Variants in SRGAP1 observed in about 807,000 individuals in gnomAD.
The protein encoded by SRGAP1 is SLIT-ROBO Rho GTPase activating protein 1, also known as SLIT-ROBO Rho GTPase-activating protein 1.
In SRGAP1, 43 loss-of-function variants were observed where a neutral mutation model predicts 121.9. The ratio of observed to expected loss-of-function variants is 0.35; its 90% CI spans 0.28 to 0.46. SRGAP1 has a LOEUF of 0.46. Among genes scored for constraint, SRGAP1 ranks in the 20% least tolerant of loss-of-function variants. The pLI, the probability that SRGAP1 is intolerant of heterozygous loss-of-function variation, is 1.00. For synonymous variants in SRGAP1, 447 were observed against 485.4 expected, an observed-to-expected ratio of 0.92 and a Z score of 1.04; for missense variants, 1,102 against 1,350.9, an observed-to-expected ratio of 0.82 and a Z score of 2.89.
chr12:63,959,271 G>A (rs1592982989), intron 1 of SRGAP1, among the ~76,000 whole-genome samples: 1 of 152,144 alleles, frequency 6.6e-6, no homozygotes, highest in East Asian at 1.9e-4. Flanking sequence ...GCAAAATCTA[G>A]TTTGCAACAT....
intron 4 of SRGAP1, among the ~76,000 whole-genome samples, chr12:64,017,746 AT>A (rs2034442967): frequency 6.6e-6 from 1 of 151,878 alleles, no homozygotes. Context: ...TTTTAGTTCA[AT>A]TAATTGTTTT....
intron 1 of SRGAP1, among the ~76,000 whole-genome samples, chr12:63,937,674 A>G (rs2031709872): frequency 6.6e-6 from 1 of 152,228 alleles, no homozygotes. Flanking sequence ...CTTTAGCGTG[A>G]GAACAATAAA....
At chr12:63,974,504 C>T (rs2033041691) in intron 1 of SRGAP1, among the ~76,000 whole-genome samples, 1 of 152,112 alleles carries the variant, frequency 6.6e-6, no homozygotes, top group East Asian at 1.9e-4. Context: ...ACTGAGAAGA[C>T]AGTTCCTTAT....
intron 1 of SRGAP1, among the ~76,000 whole-genome samples, chr12:63,927,698 G>T (rs2031310628): frequency 6.6e-6 from 1 of 151,962 alleles, no homozygotes; most frequent in Admixed American, 6.6e-5. Context: ...TCCTTTATGG[G>T]CTCATGTCCA....
At chr12:63,928,230 A>G (rs569445141) in intron 1 of SRGAP1, among the ~76,000 whole-genome samples, 2 of 152,328 alleles carry the variant, frequency 1.3e-5, no homozygotes, top group African/African-American at 2.4e-5. Context: ...TGATGGGAGT[A>G]TAAAATGGTA....
At chr12:63,858,639 T>C (rs1444520001) in intron 1 of SRGAP1, among the ~76,000 whole-genome samples, 1 of 152,220 alleles carries the variant, frequency 6.6e-6, no homozygotes, top group African/African-American at 2.4e-5. Context: ...TAATCAGTAG[T>C]TAATCATTTT....
intron 8 of SRGAP1, among the ~76,000 whole-genome samples, chr12:64,069,860 A>T (rs1489613838): frequency 6.6e-6 from 1 of 152,090 alleles, no homozygotes; most frequent in East Asian, 1.9e-4. Flanking sequence ...ATTTTCAATT[A>T]TTGTTCATGA....
intron 3 of SRGAP1, among the ~76,000 whole-genome samples, chr12:64,016,077 C>G (rs2034393862): frequency 6.6e-6 from 1 of 151,870 alleles, no homozygotes; most frequent in African/African-American, 2.4e-5. Context: ...ACTTTTTTGT[C>G]TTCATTGAAA....
Position 64,095,223 on chromosome 12 carries a change from C to T in SRGAP1, c.1678+19C>T. The T allele has an allele frequency of 3.7e-6, 6 of 1,607,610 alleles. No individual in the cohort carries two copies. The South Asian group carries it at 6.6e-5, about 18-fold the overall frequency. On this transcript the variant is annotated intron_variant, in intron 14 of 21. Coordinates refer to ENST00000355086, the MANE Select transcript of SRGAP1 (RefSeq NM_020762.4). ...GAGAGAGGTAATTGCACGTCTATCC[C>T]TATAAGCAAACCACGTTGAAAAGTC...
At chr12:63,986,084 C>T (rs924491961) in intron 2 of SRGAP1, among the ~76,000 whole-genome samples, 2 of 151,990 alleles carry the variant, frequency 1.3e-5, no homozygotes, top group African/African-American at 4.8e-5. Flanking sequence ...CCTCTTCTCT[C>T]CTCTCTGTCT....
intron 10 of SRGAP1, among the ~76,000 whole-genome samples, chr12:64,086,345 C>T (rs2035938908): frequency 1.3e-5 from 2 of 152,200 alleles, no homozygotes; most frequent in African/African-American, 2.4e-5. Context: ...AGCCCTGTTA[C>T]TTAAAACAAG....
At chr12:64,053,535 C>A (rs1023492166) in intron 6 of SRGAP1, among the ~76,000 whole-genome samples, 2 of 152,100 alleles carry the variant, frequency 1.3e-5, no homozygotes, top group African/African-American at 4.8e-5. Flanking sequence ...AGCTTGGAAT[C>A]AAGTGGGAAG....
At chr12:64,111,711 CCT>C (rs2036432132) in intron 16 of SRGAP1, 49 bp from the exon 17 acceptor site, 2 of 1,466,600 alleles carry the variant, frequency 1.4e-6, no homozygotes, top group African/African-American at 2.8e-5. Flanking sequence ...ACATTTATAT[CCT>C]TTTTTTCTCT....
chr12:64,103,540 T>C (rs567920399), intron 15 of SRGAP1, among the ~76,000 whole-genome samples: 1 of 152,334 alleles, frequency 6.6e-6, no homozygotes, highest in South Asian at 2.1e-4. Flanking sequence ...TGAACTCTTT[T>C]TCTGGTGCTC....
At chr12:63,969,198 A>G (rs2032866828) in intron 1 of SRGAP1, among the ~76,000 whole-genome samples, 1 of 152,158 alleles carries the variant, frequency 6.6e-6, no homozygotes, top group Admixed American at 6.6e-5. Flanking sequence ...AATACAAAGA[A>G]TTTCTGTTTG....
chr12:63,883,017 C>G (rs1900247818), intron 1 of SRGAP1, among the ~76,000 whole-genome samples: 1 of 152,346 alleles, frequency 6.6e-6, no homozygotes, highest in African/African-American at 2.4e-5. Context: ...AGGGGCAGAT[C>G]TGGTTCATCA....
intron 1 of SRGAP1, among the ~76,000 whole-genome samples, chr12:63,959,901 C>T (rs74097505): frequency 0.029 from 4,429 of 152,256 alleles, 225 homozygotes; most frequent in African/African-American, 0.1. Flanking sequence ...CAGGCTTAAT[C>T]ACTAGACTTT....
intron 1 of SRGAP1, among the ~76,000 whole-genome samples, chr12:63,887,148 A>G (rs1240202303): frequency 6.6e-6 from 1 of 152,202 alleles, no homozygotes; most frequent in African/African-American, 2.4e-5. Context: ...TGCTGGGATT[A>G]CAGGCGTGAG....
chr12:63,934,922 GTTC>G (rs2031613037), intron 1 of SRGAP1, among the ~76,000 whole-genome samples: 1 of 152,054 alleles, frequency 6.6e-6, no homozygotes, highest in Non-Finnish European at 1.5e-5. Context: ...AGACATGTTT[GTTC>G]TTGTTTAATT....
Sources: allele counts gnomAD v4.1 joint callset (sites outside exome capture counted in the v4.1 genomes callset), GRCh38; gene constraint gnomAD v4.1.1; transcripts MANE v1.5; gene names NCBI Gene and HGNC (gene_info 2026-07-23, HGNC 2026-07-21).